UBR3: variants seen among roughly 807,000 people sequenced by gnomAD.
The protein encoded by UBR3 is E3 ubiquitin-protein ligase UBR3.
UBR3 carries 85 observed loss-of-function variants against 243.2 expected under a neutral mutation model. That is an observed-to-expected ratio of 0.35 (90% CI 0.29 to 0.42). The LOEUF is 0.42. Ranked by LOEUF, UBR3 falls within the 10% of genes least tolerant of loss-of-function variation. The probability of loss-of-function intolerance (pLI) is 1.00; values close to 1 mark genes in which losing one functional copy is unlikely to be tolerated. For missense variants in UBR3, 1,686 were observed against 2,300.8 expected (o/e 0.73, Z 5.47); for synonymous variants, 748 against 799.8 (o/e 0.94, Z 1.09).
intron 5 of UBR3, among the ~76,000 whole-genome samples, chr2:169,879,544 G>A (rs781018322): frequency 6.6e-6 from 1 of 152,146 alleles, no homozygotes; most frequent in South Asian, 2.1e-4. Context: ...GACTGCCTGG[G>A]TTTGACTTCT....
chr2:169,853,402 TCTTC>T (rs1408787957), intron 1 of UBR3, among the ~76,000 whole-genome samples: 10 of 152,118 alleles, frequency 6.6e-5, no homozygotes, highest in Non-Finnish European at 1.2e-4. Flanking sequence ...TTCTTTCTTT[TCTTC>T]CTTCTTCTTC....
intron 24 of UBR3, among the ~76,000 whole-genome samples, chr2:169,966,594 A>C (rs1183996117): frequency 6.6e-6 from 1 of 152,186 alleles, no homozygotes; most frequent in Non-Finnish European, 1.5e-5. Flanking sequence ...GAAGCAGTAT[A>C]GTGTAGTGGT....
chr2:170,040,916 A>G lies in UBR3; in HGVS notation c.4591A>G (p.Ile1531Val), dbSNP rs554737007. 6.2e-6 allele frequency: 10 copies of G among 1,613,540 alleles called. No individual in the cohort carries two copies. The highest frequency in any genetic ancestry group is 5.5e-5 in the South Asian group (5 of 91,068). ...TGAAGAACAACAGCCTGAGGTTCCAATTCTTTATCATGATGTAACATCCCT... is the reference window on the plus strand; with the variant it reads ...TGAAGAACAACAGCCTGAGGTTCCAGTTCTTTATCATGATGTAACATCCCT... ...GYEEQQPEVP[I>V]LYHDVTSLLL... Residue 1531 changes from isoleucine (I) to valine (V), a missense_variant, in exon 32 of 39, where the codon ATT (isoleucine) becomes GTT (valine). Physicochemically the swap from Ile to Val is conservative, Grantham distance 29. Coordinates refer to ENST00000272793, the MANE Select transcript of UBR3 (RefSeq NM_172070.4).
At chr2:169,860,252 C>T (rs976105634) in intron 1 of UBR3, among the ~76,000 whole-genome samples, 4 of 151,978 alleles carry the variant, frequency 2.6e-5, no homozygotes, top group Admixed American at 1.3e-4. Context: ...TGATTGTATG[C>T]CAGAATTTCT....
chr2:170,033,058 A>G (rs1381703024), intron 31 of UBR3, among the ~76,000 whole-genome samples: 2 of 152,078 alleles, frequency 1.3e-5, no homozygotes, highest in African/African-American at 4.8e-5. Flanking sequence ...TAGCTAGCAT[A>G]CTTAAGGACA....
At chr2:170,021,285 T>C (rs1319693090) in intron 30 of UBR3, among the ~76,000 whole-genome samples, 2 of 152,168 alleles carry the variant, frequency 1.3e-5, no homozygotes, top group East Asian at 1.9e-4. Context: ...ATTTTTGTCT[T>C]AGTCTATAAC....
intron 32 of UBR3, among the ~76,000 whole-genome samples, chr2:170,054,462 T>G (rs990804894): frequency 9.2e-5 from 14 of 152,118 alleles, no homozygotes; most frequent in African/African-American, 3.4e-4. Flanking sequence ...TTTGTATTTT[T>G]TAGTAGAGAC....
At chr2:169,838,667 CG>C (rs2082194023) in intron 1 of UBR3, among the ~76,000 whole-genome samples, 1 of 152,126 alleles carries the variant, frequency 6.6e-6, no homozygotes. Context: ...CTCTGCCCCT[CG>C]CCCCCAAAAA....
At chr2:169,887,563 T>C (rs2084151260) in intron 5 of UBR3, among the ~76,000 whole-genome samples, 1 of 152,188 alleles carries the variant, frequency 6.6e-6, no homozygotes, top group Non-Finnish European at 1.5e-5. Context: ...ACTGATAATA[T>C]AGTAATCTGT....
At chr2:169,847,773 G>T (rs939027488) in intron 1 of UBR3, among the ~76,000 whole-genome samples, 1 of 152,112 alleles carries the variant, frequency 6.6e-6, no homozygotes, top group Non-Finnish European at 1.5e-5. Flanking sequence ...TTGGCTGATG[G>T]GAACAGACAC....
At chr2:169,831,390 TCC>T (rs2081938394) in intron 1 of UBR3, among the ~76,000 whole-genome samples, 1 of 150,898 alleles carries the variant, frequency 6.6e-6, no homozygotes, top group Admixed American at 6.6e-5. Context: ...CCTTAGGTGA[TCC>T]ACCCGCCTCG....
intron 5 of UBR3, among the ~76,000 whole-genome samples, chr2:169,881,967 TG>T (rs2083876905): frequency 9.7e-6 from 1 of 102,950 alleles, no homozygotes; most frequent in Non-Finnish European, 2.1e-5. Flanking sequence ...TACATACATA[TG>T]TAATTATATT....
intron 11 of UBR3, among the ~76,000 whole-genome samples, chr2:169,915,980 A>G (rs1209513536): frequency 6.6e-6 from 1 of 152,016 alleles, no homozygotes; most frequent in Admixed American, 6.6e-5. Flanking sequence ...GCCCATCAGG[A>G]TGTTTCAGAC....
At chr2:169,954,855 G>T (rs2087205553) in intron 23 of UBR3, among the ~76,000 whole-genome samples, 2 of 152,176 alleles carry the variant, frequency 1.3e-5, no homozygotes. Context: ...TTACAGGCGT[G>T]AGGCACTGTG....
intron 1 of UBR3, among the ~76,000 whole-genome samples, chr2:169,847,021 A>C (rs1244751712): frequency 6.6e-6 from 1 of 151,684 alleles, no homozygotes; most frequent in African/African-American, 2.4e-5. Context: ...TATAGGCGTG[A>C]GCTACCATGC....
intron 30 of UBR3, among the ~76,000 whole-genome samples, chr2:170,025,854 A>AATTCACTCAAGTAAGAGTGTC (rs2090515123): frequency 1.3e-5 from 2 of 152,184 alleles, no homozygotes; most frequent in Admixed American, 6.5e-5. Context: ...TATAAAAGGA[A>AATTCACTCAAGTAAGAGTGTC]ATTCACTCAA....
At chr2:169,919,553 A>G (rs892736440) in intron 11 of UBR3, among the ~76,000 whole-genome samples, 9 of 152,230 alleles carry the variant, frequency 5.9e-5, no homozygotes, top group Non-Finnish European at 1.0e-4. Flanking sequence ...AAATTTTTGC[A>G]GTCTACTCAT....
At chr2:170,031,147 T>G (rs1445786008) in intron 31 of UBR3, among the ~76,000 whole-genome samples, 4 of 152,116 alleles carry the variant, frequency 2.6e-5, no homozygotes, top group African/African-American at 9.7e-5. Flanking sequence ...CTCCCTGTTT[T>G]GCCCAGGCTG....
intron 24 of UBR3, among the ~76,000 whole-genome samples, chr2:169,971,793 A>T (rs949041898): frequency 1.3e-5 from 2 of 152,166 alleles, no homozygotes; most frequent in Non-Finnish European, 2.9e-5. Context: ...ATAGCACTAA[A>T]TGCCCTCAGG....
Sources: allele counts gnomAD v4.1 joint callset (sites outside exome capture counted in the v4.1 genomes callset), GRCh38; gene constraint gnomAD v4.1.1; transcripts MANE v1.5; gene names NCBI Gene and HGNC (gene_info 2026-07-23, HGNC 2026-07-21).